The following MRTFB variants were observed in gnomAD, a reference collection of about 807,000 sequenced individuals.
MRTFB encodes myocardin related transcription factor B.
A neutral mutation model predicts 104.2 loss-of-function variants in MRTFB; 29 were observed. That is an observed-to-expected ratio of 0.28 (90% CI 0.21 to 0.38). The LOEUF (loss-of-function observed/expected upper bound fraction) is 0.38, where lower values mean the gene tolerates loss of function less well. Ranked by LOEUF, MRTFB falls within the 10% of genes least tolerant of loss-of-function variation. MRTFB has a pLI of 1.00. For synonymous variants in MRTFB, 535 were observed against 519.5 expected, an observed-to-expected ratio of 1.03 and a Z score of -0.41; for missense variants, 1,270 against 1,341.6, an observed-to-expected ratio of 0.95 and a Z score of 0.83.
chr16:14,066,782 G>A (rs1011230093), upstream of MRTFB, among the ~76,000 whole-genome samples: 7 of 151,306 alleles, frequency 4.6e-5, no homozygotes, highest in Non-Finnish European at 1.0e-4. Flanking sequence ...TCCCACCTTG[G>A]CCTCACCAGT....
chr16:14,080,833 A>G (rs1447781821), intron 2 of MRTFB, among the ~76,000 whole-genome samples: 2 of 152,218 alleles, frequency 1.3e-5, no homozygotes, highest in African/African-American at 4.8e-5. Context: ...CACAAATGAC[A>G]GGATTTCCGT....
the MRTFB span, among the ~76,000 whole-genome samples, chr16:14,007,328 A>G: frequency 1.3e-5 from 2 of 152,206 alleles, no homozygotes; most frequent in Non-Finnish European, 2.9e-5. Context: ...TGCCATTTAT[A>G]ATGGAATCAT....
the MRTFB span, among the ~76,000 whole-genome samples, chr16:14,051,386 C>G: frequency 6.6e-6 from 1 of 151,954 alleles, no homozygotes; most frequent in Non-Finnish European, 1.5e-5. Flanking sequence ...CACAGACACA[C>G]TCATACAAAT....
intron 8 of MRTFB, among the ~76,000 whole-genome samples, chr16:14,219,949 T>C (rs2041610078): frequency 6.6e-6 from 1 of 152,174 alleles, no homozygotes; most frequent in African/African-American, 2.4e-5. Flanking sequence ...AAATGCTGAC[T>C]TGAATTCAGC....
At chr16:14,007,012 G>A in the MRTFB span, among the ~76,000 whole-genome samples, 2 of 152,264 alleles carry the variant, frequency 1.3e-5, no homozygotes, top group Non-Finnish European at 1.5e-5. Flanking sequence ...GTGAGACCCT[G>A]TCTATTAAAA....
At chr16:14,208,419 A>C (rs2041045068) in intron 3 of MRTFB, among the ~76,000 whole-genome samples, 1 of 152,126 alleles carries the variant, frequency 6.6e-6, no homozygotes, top group African/African-American at 2.4e-5. Context: ...TTTTGTTTTA[A>C]ACCAAAAAGG....
the MRTFB span, among the ~76,000 whole-genome samples, chr16:14,038,020 G>A: frequency 2.0e-5 from 3 of 152,316 alleles, no homozygotes; most frequent in African/African-American, 7.2e-5. Flanking sequence ...TACCTGGGCT[G>A]TTATTACTTT....
chr16:14,224,438 G>A (rs1257904972), intron 8 of MRTFB, among the ~76,000 whole-genome samples: 1 of 152,166 alleles, frequency 6.6e-6, no homozygotes, highest in African/African-American at 2.4e-5. Flanking sequence ...CCTGTATAGA[G>A]CAGCTCCATT....
intron 13 of MRTFB, among the ~76,000 whole-genome samples, chr16:14,249,993 G>T (rs138871321): frequency 1.7e-3 from 263 of 152,264 alleles, no homozygotes; most frequent in African/African-American, 5.9e-3. Context: ...TGAGTTTGGG[G>T]AAAGCTCGAA....
intron 2 of MRTFB, among the ~76,000 whole-genome samples, chr16:14,125,674 AATT>A (rs1029153036): frequency 4.6e-5 from 7 of 152,166 alleles, no homozygotes; most frequent in African/African-American, 9.7e-5. Flanking sequence ...TGTTTCATGA[AATT>A]GTTGGTAGTA....
chr16:14,252,140 A>G, intron 14 of MRTFB, 117 bp downstream of exon 14: 1 of 1,294,916 alleles, frequency 7.7e-7, no homozygotes, highest in Non-Finnish European at 1.1e-6. Context: ...TGTTGAAAAT[A>G]CAGTGATAAC....
intron 3 of MRTFB, among the ~76,000 whole-genome samples, chr16:14,191,581 C>G (rs974640780): frequency 4.6e-5 from 7 of 152,110 alleles, no homozygotes; most frequent in Admixed American, 4.6e-4. Flanking sequence ...CCCCCTCATC[C>G]CCCAATACCC....
In MRTFB at chr16:14,247,684, A is replaced by G. The variant is rs770579380; in HGVS notation, c.2247+177A>G. On this transcript the variant is annotated intron_variant, in intron 12 of 16. Transcript: ENST00000571589. ...AATCTGAATATCTAGCACTGTTTTT[A>G]TATAGTGAAAAAAACACAGGATGCT... 5 of 617,524 alleles carry G rather than the reference A, an allele frequency of 8.1e-6. No individual in the cohort carries two copies. In the Admixed American group the frequency reaches 9.2e-5, roughly 11 times the overall value. The allele number at this position is 617,524 out of a possible 1,614,324, so 38.3% of individuals were successfully genotyped here. A position where few individuals can be genotyped will look rare whatever the true frequency, so the allele number is the denominator to read the frequency against.
rs2043873002 is a variant in MRTFB at position 14,264,314 on chromosome 16, GTAGA to G, written c.*2874_*2877del. 1 of 152,212 alleles carries G rather than the reference GTAGA, an allele frequency of 6.6e-6. No homozygotes were observed. Among genetic ancestry groups the G allele is most frequent in the African/African-American group, 2.4e-5 (1 of 41,458 alleles). 9.4% of individuals were successfully genotyped at this position (152,212 alleles called of 1,614,324 possible). Reference sequence around the variant, plus strand: ...TACCAGCCTTACCTTTCTGCTGTATGTAGATAGTCAGATCATCCTACTGGGGGTG... The same window carrying G: ...TACCAGCCTTACCTTTCTGCTGTATGTAGTCAGATCATCCTACTGGGGGTG... On this transcript the variant is annotated 3_prime_UTR_variant, in exon 17 of 17. Coordinates refer to ENST00000571589, the MANE Select transcript of MRTFB (RefSeq NM_001308142.2).
intron 15 of MRTFB, among the ~76,000 whole-genome samples, chr16:14,253,283 C>A (rs939780732): frequency 2.6e-5 from 4 of 152,188 alleles, no homozygotes; most frequent in Non-Finnish European, 5.9e-5. Flanking sequence ...GGGAAGAACC[C>A]CAGCCTCATA....
chr16:14,071,061 C>G (rs1041167701), upstream of MRTFB, among the ~76,000 whole-genome samples: 1 of 151,996 alleles, frequency 6.6e-6, no homozygotes, highest in Non-Finnish European at 1.5e-5. Context: ...GAGCCCCGGA[C>G]ATGCGCATGC....
Position 14,098,419 on chromosome 16 carries a change from CTTA to C in MRTFB, c.-64+19072_-64+19074del, listed in dbSNP as rs1226461885. Among the ~76,000 whole-genome samples, 5 of 152,104 alleles carry C rather than the reference CTTA, an allele frequency of 3.3e-5. 1 individual carries two copies. The highest frequency in any genetic ancestry group is 1.3e-4 in the Admixed American group (2 of 15,272). On this transcript the variant is annotated intron_variant, in intron 2 of 16. Coordinates refer to ENST00000571589, the MANE Select transcript of MRTFB (RefSeq NM_001308142.2). ...ATATGTTTATTGGGTTGTTTGTTTT[CTTA>C]TTATTACTGAGTTTTGAGAGTTCTT...
chr16:14,179,413 A>G (rs1274445921), intron 3 of MRTFB, among the ~76,000 whole-genome samples: 1 of 152,208 alleles, frequency 6.6e-6, no homozygotes, highest in African/African-American at 2.4e-5. Context: ...GTGTGGCAAC[A>G]CTTTATAAAA....
At chr16:14,193,210 CAAAAAAAAAAAAAAAAA>C (rs10616011) in intron 3 of MRTFB, among the ~76,000 whole-genome samples, 316 of 56,466 alleles carry the variant, frequency 5.6e-3, no homozygotes, top group African/African-American at 0.02. Context: ...GACCCTGTCT[CAAAAAAAAAAAAAAAAA>C]AAAAAAAAAA....
Sources: allele counts gnomAD v4.1 joint callset (sites outside exome capture counted in the v4.1 genomes callset), GRCh38; gene constraint gnomAD v4.1.1; transcripts MANE v1.5; gene names NCBI Gene and HGNC (gene_info 2026-07-23, HGNC 2026-07-21).